The following UBXN2B variants were observed in gnomAD, a reference collection of about 807,000 sequenced individuals.
UBXN2B encodes UBX domain protein 2B, also known as UBX domain-containing protein 2B.
A neutral mutation model predicts 37.5 loss-of-function variants in UBXN2B; 19 were observed. That is an observed-to-expected ratio of 0.51 (90% CI 0.35 to 0.74). The LOEUF is 0.74. Ranked by LOEUF, UBXN2B falls within the 30% of genes least tolerant of loss-of-function variation. The pLI is 0.01. For synonymous variants in UBXN2B, 145 were observed against 143.8 expected (o/e 1.01, Z -0.06); for missense variants, 370 against 393.2 (o/e 0.94, Z 0.50).
rs1368000479 is a variant in UBXN2B at position 58,411,370 on chromosome 8, C to A, written c.-16C>A. The stretch of plus-strand genomic sequence containing the variant: ...CGGCAGGTGCGTCCGCAGCGGGCGC[C>A]GCTAGCCAGCGGAAGATGGCGGAGG... On this transcript the variant is annotated 5_prime_UTR_variant, in exon 1 of 8. Transcript: ENST00000399598. The A allele has an allele frequency of 2.4e-6, 3 of 1,269,852 alleles. No homozygotes were observed. The highest frequency in any genetic ancestry group is 3.0e-6 in the Non-Finnish European group (3 of 1,004,846). 78.7% of individuals were successfully genotyped at this position (1,269,852 alleles called of 1,614,324 possible).
intron 2 of UBXN2B, among the ~76,000 whole-genome samples, chr8:58,420,042 C>T (rs1807886563): frequency 6.6e-6 from 1 of 152,158 alleles, no homozygotes. Flanking sequence ...GATAAGTTGC[C>T]CCTGTGTAGA....
In UBXN2B at chr8:58,441,139, C is replaced by T. The variant is rs545362368; in HGVS notation, c.671+1369C>T. Among the ~76,000 whole-genome samples the T allele has an allele frequency of 4.0e-5, 6 of 151,632 alleles. No individual in the cohort carries two copies. The East Asian group carries it at 9.7e-4, about 25-fold the overall frequency. On this transcript the variant is annotated intron_variant, in intron 6 of 7. Transcript: ENST00000399598. ...TCCTGACTGGGACTATAGGCACTGC[C>T]GAGCGCAGCTCATTTTTTTTCATTT...
intron 6 of UBXN2B, among the ~76,000 whole-genome samples, chr8:58,444,811 C>T (rs1808632994): frequency 6.6e-6 from 1 of 152,120 alleles, no homozygotes; most frequent in African/African-American, 2.4e-5. Flanking sequence ...CTAAAATTAG[C>T]ATCAGGAAAT....
intron 2 of UBXN2B, among the ~76,000 whole-genome samples, chr8:58,426,892 A>AT (rs200530804): frequency 1.7e-4 from 25 of 150,726 alleles, no homozygotes; most frequent in Non-Finnish European, 3.3e-4. Flanking sequence ...CCTCCCTGTA[A>AT]TTTTTTTTTT....
chr8:58,418,657 T>C (rs12681594), intron 2 of UBXN2B, among the ~76,000 whole-genome samples: 40,893 of 152,138 alleles, frequency 0.27, 5,991 homozygotes, highest in Admixed American at 0.45. Flanking sequence ...ATATGTTCAT[T>C]TGGTTAAGGT....
In UBXN2B at chr8:58,450,386, A is replaced by G. The variant is rs1229870515; in HGVS notation, c.*2835A>G. The G allele has an allele frequency of 6.6e-6, 1 of 152,190 alleles. No homozygotes were observed. Among genetic ancestry groups the G allele is most frequent in the Non-Finnish European group, 1.5e-5 (1 of 68,054 alleles). 9.4% of individuals were successfully genotyped at this position (152,190 alleles called of 1,614,324 possible). ...GTTCTGCTTTACACATAACGGCAGG[A>G]CACAACTCAGCTTAGCTTTTCGCCA... On this transcript the variant is annotated 3_prime_UTR_variant, in exon 8 of 8. Coordinates refer to ENST00000399598, the MANE Select transcript of UBXN2B (RefSeq NM_001077619.2).
intron 2 of UBXN2B, among the ~76,000 whole-genome samples, chr8:58,423,279 A>T (rs568729699): frequency 6.6e-6 from 1 of 152,290 alleles, no homozygotes; most frequent in Admixed American, 6.5e-5. Context: ...ACGAAGAAGG[A>T]GAGACTCAGG....
chr8:58,421,184 G>A (rs1007434462), intron 2 of UBXN2B, among the ~76,000 whole-genome samples: 10 of 151,884 alleles, frequency 6.6e-5, no homozygotes, highest in Non-Finnish European at 1.5e-4. Flanking sequence ...CTGTTTCCCC[G>A]AAGCAACTGG....
chr8:58,433,611 T>TA (rs34836809), intron 4 of UBXN2B, among the ~76,000 whole-genome samples: 9,421 of 117,958 alleles, frequency 0.08, 424 homozygotes, highest in East Asian at 0.13. Context: ...CCTATCTCTT[T>TA]AAAAAAAAAA....
intron 3 of UBXN2B, among the ~76,000 whole-genome samples, chr8:58,431,830 C>T (rs1310570318): frequency 6.6e-6 from 1 of 152,146 alleles, no homozygotes; most frequent in East Asian, 1.9e-4. Flanking sequence ...TTTGCATTTT[C>T]TTAATAGCTA....
intron 6 of UBXN2B, among the ~76,000 whole-genome samples, chr8:58,440,863 G>A (rs933122650): frequency 4.5e-4 from 69 of 151,998 alleles, no homozygotes; most frequent in Non-Finnish European, 1.0e-4. Flanking sequence ...CTGGCACTGG[G>A]GACATAAAGG....
chr8:58,417,187 A>T (rs537487484), intron 2 of UBXN2B, among the ~76,000 whole-genome samples: 2 of 152,278 alleles, frequency 1.3e-5, no homozygotes, highest in Non-Finnish European at 2.9e-5. Flanking sequence ...AATTACCTTA[A>T]AATACCTAAT....
rs781776995 is a variant in UBXN2B at position 58,434,367 on chromosome 8, A to ATT, written c.424-27_424-26insTT. The ATT allele has an allele frequency of 2.2e-3, 972 of 443,564 alleles. 9 individuals carry two copies. The African/African-American group carries it at 0.022, about 10-fold the overall frequency. The allele number at this position is 443,564 out of a possible 1,614,324, so 27.5% of individuals were successfully genotyped here. On this transcript the variant is annotated intron_variant, in intron 4 of 7. Transcript: ENST00000399598. Reference sequence around the variant, plus strand: ...TATGTGAATATATATATATATATATATATTTTTTTTTTTTCTATACCCAAA... The same window carrying ATT: ...TATGTGAATATATATATATATATATATTTATTTTTTTTTTTTCTATACCCAAA...
chr8:58,426,046 A>C, intron 2 of UBXN2B: 1 of 1,385,728 alleles, frequency 7.2e-7, no homozygotes, highest in South Asian at 1.2e-5. Flanking sequence ...TTTCAGAGGC[A>C]GGATCTGCAC....
At chr8:58,414,894 C>T (rs970441594) in intron 1 of UBXN2B, among the ~76,000 whole-genome samples, 1 of 151,958 alleles carries the variant, frequency 6.6e-6, no homozygotes, top group South Asian at 2.1e-4. Flanking sequence ...TTTATGTCAC[C>T]AAAGAAAATT....
intron 4 of UBXN2B, among the ~76,000 whole-genome samples, chr8:58,433,952 T>G (rs542663241): frequency 2.6e-5 from 4 of 152,308 alleles, no homozygotes; most frequent in African/African-American, 9.6e-5. Context: ...CATTGATAGT[T>G]TCTTGGAAGG....
At chr8:58,412,601 A>G (rs1200879672) in intron 1 of UBXN2B, among the ~76,000 whole-genome samples, 1 of 152,226 alleles carries the variant, frequency 6.6e-6, no homozygotes, top group Non-Finnish European at 1.5e-5. Context: ...AACAGTATCA[A>G]GGGATAGGAA....
In UBXN2B at chr8:58,445,835, A is replaced by T. The variant is rs1585621816; in HGVS notation, c.672-72A>T. The T allele has an allele frequency of 1.4e-5, 18 of 1,329,906 alleles. No individual in the cohort carries two copies. In the East Asian group the frequency reaches 4.7e-4, roughly 35 times the overall value. The allele number at this position is 1,329,906 out of a possible 1,614,324, so 82.4% of individuals were successfully genotyped here. A position where few individuals can be genotyped will look rare whatever the true frequency, so the allele number is the denominator to read the frequency against. ...GAGACTCAAATGAAGCCATGTTCTA[A>T]GTGTTTATCGCTGTCTTCAGTTTGT... On this transcript the variant is annotated intron_variant, in intron 6 of 7. Coordinates refer to ENST00000399598, the MANE Select transcript of UBXN2B (RefSeq NM_001077619.2).
intron 7 of UBXN2B, among the ~76,000 whole-genome samples, chr8:58,447,079 G>A (rs200765240): frequency 6.6e-6 from 1 of 151,864 alleles, no homozygotes; most frequent in Non-Finnish European, 1.5e-5. Context: ...AATTACAGGC[G>A]TAAGCCACCG....
Sources: gnomAD v4.1 joint callset for allele counts (sites outside exome capture counted in the v4.1 genomes callset) on GRCh38, gnomAD v4.1.1 for gene constraint, MANE v1.5 for transcripts, NCBI Gene and HGNC (gene_info 2026-07-23, HGNC 2026-07-21) for gene names.